CNTN5: variants seen among roughly 807,000 people sequenced by gnomAD.
CNTN5 encodes the protein contactin 5.
CNTN5 carries 77 observed loss-of-function variants against 129.1 expected under a neutral mutation model. The ratio of observed to expected loss-of-function variants is 0.60; its 90% CI spans 0.50 to 0.72. The LOEUF (loss-of-function observed/expected upper bound fraction) is 0.72. Among genes scored for constraint, CNTN5 ranks in the 30% least tolerant of loss-of-function variants. CNTN5 has a pLI of 0.00. For synonymous variants in CNTN5, 509 were observed against 465.6 expected, an observed-to-expected ratio of 1.09 and a Z score of -1.20; for missense variants, 1,478 against 1,328.8, an observed-to-expected ratio of 1.11 and a Z score of -1.75.
rs1282939402 is a variant in CNTN5 at position 99,556,168 on chromosome 11, C to T, written c.-47C>T. On this transcript the variant is annotated 5_prime_UTR_variant, in exon 3 of 25. An upstream open reading frame in the 5' UTR gains an earlier in-frame stop. Coordinates refer to ENST00000524871, the MANE Select transcript of CNTN5 (RefSeq NM_014361.4). The stretch of plus-strand genomic sequence containing the variant: ...AGGGCACTCTTTAATGAAGAAACAC[C>T]AGAGCTGTTAAACACATTGAGACAC... 4.4e-6 allele frequency: 5 copies of T among 1,143,134 alleles called. No homozygotes were observed. The highest frequency in any genetic ancestry group is 6.1e-6 in the Non-Finnish European group (5 of 817,470). 70.8% of individuals were successfully genotyped at this position (1,143,134 alleles called of 1,614,324 possible).
intron 2 of CNTN5, among the ~76,000 whole-genome samples, chr11:99,434,998 C>A (rs953581706): frequency 1.3e-5 from 2 of 152,094 alleles, no homozygotes; most frequent in Non-Finnish European, 2.9e-5. Flanking sequence ...AGAGTATAAT[C>A]ATCAACCATT....
intron 2 of CNTN5, among the ~76,000 whole-genome samples, chr11:99,419,031 A>T (rs185951512): frequency 6.6e-6 from 1 of 152,136 alleles, no homozygotes; most frequent in Non-Finnish European, 1.5e-5. Context: ...ATTATGCATG[A>T]TAAGGAATGT....
At chr11:99,306,414 G>T (rs1457756635) in intron 1 of CNTN5, among the ~76,000 whole-genome samples, 1 of 151,910 alleles carries the variant, frequency 6.6e-6, no homozygotes, top group Non-Finnish European at 1.5e-5. Flanking sequence ...GTATAGACAA[G>T]GTAAATAAAA....
intron 2 of CNTN5, among the ~76,000 whole-genome samples, chr11:99,412,744 AG>A (rs1204366362): frequency 6.6e-6 from 1 of 152,194 alleles, no homozygotes; most frequent in Non-Finnish European, 1.5e-5. Flanking sequence ...ACAACGTTAT[AG>A]TGCATTCTTT....
At chr11:100,064,292 A>T (rs1249667725) in intron 10 of CNTN5, among the ~76,000 whole-genome samples, 3 of 152,184 alleles carry the variant, frequency 2.0e-5, no homozygotes, top group Non-Finnish European at 4.4e-5. Context: ...CAGGGATCTA[A>T]GGCAGCATTT....
chr11:99,656,584 C>T (rs1182636672), intron 3 of CNTN5, among the ~76,000 whole-genome samples: 1 of 152,048 alleles, frequency 6.6e-6, no homozygotes, highest in African/African-American at 2.4e-5. Flanking sequence ...AGTTAATGGA[C>T]CTTAAGAGTG....
intron 2 of CNTN5, among the ~76,000 whole-genome samples, chr11:99,504,531 A>G (rs1946545603): frequency 1.6e-5 from 2 of 126,226 alleles, no homozygotes; most frequent in Non-Finnish European, 1.7e-5. Context: ...CTCCGTCTCA[A>G]AAAAAAAAAA....
intron 3 of CNTN5, among the ~76,000 whole-genome samples, chr11:99,790,367 T>G (rs1248439020): frequency 6.6e-6 from 1 of 151,986 alleles, no homozygotes; most frequent in Non-Finnish European, 1.5e-5. Flanking sequence ...TTTTGCTCCC[T>G]TCTTTGTGTC....
At chr11:99,479,856 C>T (rs955200163) in intron 2 of CNTN5, among the ~76,000 whole-genome samples, 17 of 151,618 alleles carry the variant, frequency 1.1e-4, no homozygotes, top group African/African-American at 4.1e-4. Context: ...TTGGCTGACA[C>T]ATTTAATTTT....
intron 4 of CNTN5, among the ~76,000 whole-genome samples, chr11:99,840,867 A>T (rs1426241386): frequency 6.6e-6 from 1 of 152,208 alleles, no homozygotes. Flanking sequence ...GGATTTAAAC[A>T]GTGGATCATT....
chr11:99,628,582 A>G (rs1951215690), intron 3 of CNTN5, among the ~76,000 whole-genome samples: 1 of 150,932 alleles, frequency 6.6e-6, no homozygotes, highest in South Asian at 2.1e-4. Context: ...ACACACTTCC[A>G]TTGGCCAAGA....
At chr11:100,318,808 GTGTT>G (rs1166169064) in intron 21 of CNTN5, among the ~76,000 whole-genome samples, 1 of 152,066 alleles carries the variant, frequency 6.6e-6, no homozygotes, top group East Asian at 1.9e-4. Context: ...ATTGTATAAA[GTGTT>G]TAAACACAAA....
chr11:100,169,386 A>C (rs1020942092), intron 13 of CNTN5, among the ~76,000 whole-genome samples: 1 of 151,904 alleles, frequency 6.6e-6, no homozygotes, highest in African/African-American at 2.4e-5. Flanking sequence ...CTGTGACTGG[A>C]CAAGCCATTT....
chr11:99,410,753 G>T (rs1231822386), intron 2 of CNTN5, among the ~76,000 whole-genome samples: 1 of 152,170 alleles, frequency 6.6e-6, no homozygotes, highest in Non-Finnish European at 1.5e-5. Context: ...AATTGGTTTT[G>T]TGCGTACATA....
intron 1 of CNTN5, among the ~76,000 whole-genome samples, chr11:99,153,328 C>A (rs1333292428): frequency 6.6e-6 from 1 of 151,964 alleles, no homozygotes; most frequent in Non-Finnish European, 1.5e-5. Context: ...TTTGTTCATT[C>A]CTTTTATTCA....
At chr11:99,406,996 C>T (rs1217441682) in intron 2 of CNTN5, among the ~76,000 whole-genome samples, 1 of 151,890 alleles carries the variant, frequency 6.6e-6, no homozygotes, top group Non-Finnish European at 1.5e-5. Flanking sequence ...ATCCAATAGC[C>T]ATGTCCTAGA....
At chr11:99,739,280 T>G (rs1193062182) in intron 3 of CNTN5, among the ~76,000 whole-genome samples, 1 of 152,162 alleles carries the variant, frequency 6.6e-6, no homozygotes, top group African/African-American at 2.4e-5. Context: ...GTAGTTCCTT[T>G]ATCAAGATGG....
In CNTN5 at chr11:99,782,186, GACAA is replaced by G. The variant is rs1349920261; in HGVS notation, c.56-37354_56-37351del. Among the ~76,000 whole-genome samples the G allele has an allele frequency of 4.0e-5, 6 of 148,716 alleles. No homozygotes were observed. The South Asian group carries it at 8.7e-4, about 21-fold the overall frequency. ...CAAGCATTCTTATACACCAACAACAGACAAACAGAGAGCCAAATCATGAGTGAAC... is the reference window on the plus strand; with the variant it reads ...CAAGCATTCTTATACACCAACAACAGACAGAGAGCCAAATCATGAGTGAAC... On this transcript the variant is annotated intron_variant, in intron 3 of 24. Coordinates refer to ENST00000524871, the MANE Select transcript of CNTN5 (RefSeq NM_014361.4).
At chr11:99,496,905 A>G (rs1291272612) in intron 2 of CNTN5, among the ~76,000 whole-genome samples, 1 of 152,210 alleles carries the variant, frequency 6.6e-6, no homozygotes, top group Non-Finnish European at 1.5e-5. Context: ...AAAAATAGAG[A>G]GAAGCAAAAC....
Sources: gnomAD v4.1 joint callset for allele counts (sites outside exome capture counted in the v4.1 genomes callset) on GRCh38, gnomAD v4.1.1 for gene constraint, MANE v1.5 for transcripts, NCBI Gene and HGNC (gene_info 2026-07-23, HGNC 2026-07-21) for gene names.